The following UBXN7 variants were observed in gnomAD, a reference collection of about 807,000 sequenced individuals.
UBXN7 encodes UBX domain protein 7.
In UBXN7, 9 loss-of-function variants were observed where a neutral mutation model predicts 58.0. That is an observed-to-expected ratio of 0.16 (90% CI 0.09 to 0.27). UBXN7 has a LOEUF of 0.27. Among genes scored for constraint, UBXN7 ranks in the 10% least tolerant of loss-of-function variants. UBXN7 has a pLI of 1.00. For missense variants in UBXN7, 328 were observed against 599.6 expected, an observed-to-expected ratio of 0.55 and a Z score of 4.73; for synonymous variants, 208 against 205.0, an observed-to-expected ratio of 1.01 and a Z score of -0.12.
intron 1 of UBXN7, among the ~76,000 whole-genome samples, chr3:196,427,935 C>T (rs1326136920): frequency 6.6e-6 from 1 of 152,002 alleles, no homozygotes; most frequent in Non-Finnish European, 1.5e-5. Context: ...ACCAGCTTGC[C>T]CAACATGGTG....
Position 196,369,529 on chromosome 3 carries a change from T to TA in UBXN7, c.616-19dup, listed in dbSNP as rs144406807. 128,093 of 1,415,302 alleles carry TA rather than the reference T, an allele frequency of 0.091. 2,224 individuals are homozygous for TA. The highest frequency in any genetic ancestry group is 0.12 in the Middle Eastern group (632 of 5,160). The allele number at this position is 1,415,302 out of a possible 1,614,324, so 87.7% of individuals were successfully genotyped here. A position where few individuals can be genotyped will look rare whatever the true frequency, so the allele number is the denominator to read the frequency against. On this transcript the variant is annotated intron_variant, in intron 6 of 10. Coordinates refer to ENST00000296328, the MANE Select transcript of UBXN7 (RefSeq NM_015562.2). ...TGATAAACCTGTTAAATCATTGATATAAAAAAAAAAGTCAGCCTCTAAGAA... is the reference window on the plus strand; with the variant it reads ...TGATAAACCTGTTAAATCATTGATATAAAAAAAAAAAGTCAGCCTCTAAGAA...
intron 3 of UBXN7, among the ~76,000 whole-genome samples, chr3:196,394,065 G>A (rs1729667915): frequency 6.6e-6 from 1 of 152,018 alleles, no homozygotes; most frequent in African/African-American, 2.4e-5. Context: ...AAGGTGGGTG[G>A]ATCACCTGAG....
chr3:196,387,708 G>A (rs1729453153), intron 5 of UBXN7, among the ~76,000 whole-genome samples: 1 of 152,148 alleles, frequency 6.6e-6, no homozygotes, highest in Non-Finnish European at 1.5e-5. Context: ...ATCATCACTG[G>A]TCATCAGAGA....
At chr3:196,368,222 G>A in intron 7 of UBXN7, 67 bp from the exon 8 acceptor site, 1 of 1,476,928 alleles carries the variant, frequency 6.8e-7, no homozygotes, top group Admixed American at 2.1e-5. Context: ...CATTCTCCAG[G>A]ATCTATAAAT....
At chr3:196,394,333 C>T (rs980290317) in intron 3 of UBXN7, among the ~76,000 whole-genome samples, 10 of 142,076 alleles carry the variant, frequency 7.0e-5, no homozygotes, top group Non-Finnish European at 1.4e-4. Flanking sequence ...GGCACTGTAG[C>T]TCACACCTCC....
chr3:196,381,404 T>C (rs995298883), intron 5 of UBXN7, among the ~76,000 whole-genome samples: 6 of 152,156 alleles, frequency 3.9e-5, no homozygotes, highest in African/African-American at 1.4e-4. Flanking sequence ...ACCTGACTGT[T>C]AGAAGGAAAA....
At chr3:196,368,537 G>A (rs1017617267) in intron 7 of UBXN7, among the ~76,000 whole-genome samples, 1 of 152,140 alleles carries the variant, frequency 6.6e-6, no homozygotes, top group Non-Finnish European at 1.5e-5. Context: ...TGCATAAAGT[G>A]TACTGTAAAG....
chr3:196,427,869 A>G (rs1429634222), intron 1 of UBXN7, among the ~76,000 whole-genome samples: 1 of 152,164 alleles, frequency 6.6e-6, no homozygotes, highest in Admixed American at 6.5e-5. Context: ...GCTCACGCCC[A>G]TAATACCAGC....
intron 6 of UBXN7, among the ~76,000 whole-genome samples, chr3:196,371,505 G>C (rs1173255517): frequency 1.3e-5 from 2 of 152,122 alleles, no homozygotes; most frequent in African/African-American, 4.8e-5. Flanking sequence ...TGTTTGAGAT[G>C]GAGTCTAGCT....
intron 1 of UBXN7, chr3:196,414,804 T>C (rs1341950873): frequency 2.0e-5 from 3 of 152,200 alleles, no homozygotes; most frequent in Non-Finnish European, 2.9e-5. Flanking sequence ...CTCACTTTTC[T>C]CATCCCAGTT....
chr3:196,390,136 T>C (rs893557321), intron 5 of UBXN7, among the ~76,000 whole-genome samples: 1 of 152,062 alleles, frequency 6.6e-6, no homozygotes, highest in African/African-American at 2.4e-5. Context: ...AGGGGATCAA[T>C]TGAGACCATA....
chr3:196,395,785 C>T (rs930985803), intron 3 of UBXN7, among the ~76,000 whole-genome samples: 9 of 150,112 alleles, frequency 6.0e-5, no homozygotes, highest in Middle Eastern at 6.8e-3. Flanking sequence ...TTATTTATTG[C>T]GACAGAGTCT....
chr3:196,405,047 G>C (rs1015940717), intron 2 of UBXN7, among the ~76,000 whole-genome samples: 3 of 152,092 alleles, frequency 2.0e-5, no homozygotes, highest in African/African-American at 4.8e-5. Flanking sequence ...CCAGCTACTT[G>C]AGGCGCCGAG....
At chr3:196,425,743 C>T (rs1347109692) in intron 1 of UBXN7, among the ~76,000 whole-genome samples, 1 of 152,196 alleles carries the variant, frequency 6.6e-6, no homozygotes, top group Non-Finnish European at 1.5e-5. Context: ...CCTCTCTCAT[C>T]TCTGTCTGTA....
intron 5 of UBXN7, among the ~76,000 whole-genome samples, chr3:196,384,589 A>C (rs1257830033): frequency 6.6e-6 from 1 of 152,172 alleles, no homozygotes; most frequent in African/African-American, 2.4e-5. Context: ...GCACATGAAA[A>C]AGCTTATCCA....
At chr3:196,426,221 T>TA (rs889865274) in intron 1 of UBXN7, among the ~76,000 whole-genome samples, 9 of 151,554 alleles carry the variant, frequency 5.9e-5, no homozygotes, top group African/African-American at 1.7e-4. Flanking sequence ...CCATCTCCAT[T>TA]AAAAATACAA....
chr3:196,419,940 G>C (rs1041920606), intron 1 of UBXN7, among the ~76,000 whole-genome samples: 3 of 152,204 alleles, frequency 2.0e-5, no homozygotes, highest in African/African-American at 7.2e-5. Flanking sequence ...CACTACCACT[G>C]AGCTACACAG....
chr3:196,370,430 G>A (rs1728791577), intron 6 of UBXN7, among the ~76,000 whole-genome samples: 1 of 150,492 alleles, frequency 6.6e-6, no homozygotes. Flanking sequence ...TCCGGCCTGG[G>A]TGACAGAGCA....
intron 5 of UBXN7, among the ~76,000 whole-genome samples, chr3:196,384,381 G>A (rs1729309053): frequency 6.6e-6 from 1 of 152,196 alleles, no homozygotes; most frequent in African/African-American, 2.4e-5. Context: ...ACAAAGAGGA[G>A]CTGGTACCAT....
Sources: allele counts gnomAD v4.1 joint callset (sites outside exome capture counted in the v4.1 genomes callset), GRCh38; gene constraint gnomAD v4.1.1; transcripts MANE v1.5; gene names NCBI Gene and HGNC (gene_info 2026-07-23, HGNC 2026-07-21).